PCYT1A: variants seen among roughly 807,000 people sequenced by gnomAD.
The protein encoded by PCYT1A is phosphate cytidylyltransferase 1A, choline, also known as choline-phosphate cytidylyltransferase A.
Under a neutral mutation model 43.7 loss-of-function variants are expected in PCYT1A, and 25 were observed. The observed-to-expected ratio is 0.57, with a 90% CI of 0.42 to 0.80. The LOEUF (loss-of-function observed/expected upper bound fraction) is 0.80. PCYT1A is among the 30% of genes least tolerant of loss of function. PCYT1A has a pLI of 0.00. For missense variants in PCYT1A, 421 were observed against 474.2 expected (o/e 0.89, Z 1.04); for synonymous variants, 172 against 170.7 (o/e 1.01, Z -0.06).
chr3:196,258,446 T>C (rs1490200652), intron 2 of PCYT1A, among the ~76,000 whole-genome samples: 2 of 152,246 alleles, frequency 1.3e-5, no homozygotes, highest in Non-Finnish European at 2.9e-5. Flanking sequence ...TGAAATTTTC[T>C]GTATATTGAT....
At chr3:196,270,935 T>C (rs2108777955) in intron 1 of PCYT1A, among the ~76,000 whole-genome samples, 1 of 152,322 alleles carries the variant, frequency 6.6e-6, no homozygotes. Flanking sequence ...TATAAGGCAA[T>C]GTGAAGGTAT....
At chr3:196,262,701 C>T (rs1253428438) in intron 2 of PCYT1A, among the ~76,000 whole-genome samples, 1 of 151,830 alleles carries the variant, frequency 6.6e-6, no homozygotes, top group Non-Finnish European at 1.5e-5. Flanking sequence ...GGCATCCACA[C>T]TAACAGGAAA....
chr3:196,241,465 T>C (rs1724351995), intron 7 of PCYT1A: 54 of 1,260,604 alleles, frequency 4.3e-5, no homozygotes, highest in Middle Eastern at 2.2e-4. Flanking sequence ...AGGCATGAAC[T>C]ACCATGCCCA....
At chr3:196,248,026 T>C (rs968866486) in intron 4 of PCYT1A, 181 bp downstream of exon 4, 1 of 612,276 alleles carries the variant, frequency 1.6e-6, no homozygotes, top group Non-Finnish European at 2.9e-6. Context: ...GTCGAGGAGC[T>C]TGAAGCTCCT....
intron 3 of PCYT1A, among the ~76,000 whole-genome samples, chr3:196,249,655 T>C (rs757332919): frequency 8.5e-5 from 13 of 152,226 alleles, no homozygotes; most frequent in African/African-American, 1.2e-4. Flanking sequence ...AAGGAGTCCA[T>C]GTAACTTATT....
intron 3 of PCYT1A, chr3:196,250,395 G>C (rs529081534): frequency 5.5e-4 from 104 of 188,804 alleles, no homozygotes; most frequent in African/African-American, 2.4e-3. Context: ...CTGAGGACCA[G>C]ATACACTATG....
rs537434722 is a variant in PCYT1A, at chr3:196,263,353, C to T, written c.118-5466G>A. Among the ~76,000 whole-genome samples, 3 of 152,260 alleles carry T rather than the reference C, an allele frequency of 2.0e-5. No individual in the cohort carries two copies. In the South Asian group the frequency reaches 6.2e-4, roughly 32 times the overall value. On this transcript the variant is annotated intron_variant, in intron 2 of 8. Coordinates refer to ENST00000431016, the MANE Select transcript of PCYT1A (RefSeq NM_001312673.2). ...GCCTCATCTTCCTGAGCAGCTAGGA[C>T]CACAGGGGCACATCACCATATCCAG... is the stretch of plus-strand genomic sequence containing the variant.
chr3:196,250,171 C>T (rs1381232853), intron 3 of PCYT1A, among the ~76,000 whole-genome samples: 6 of 141,054 alleles, frequency 4.3e-5, no homozygotes, highest in East Asian at 2.2e-4. Flanking sequence ...TACACCATGC[C>T]GAGGCTGAGG....
At chr3:196,246,808 A>T (rs1321636828) in intron 5 of PCYT1A, among the ~76,000 whole-genome samples, 2 of 152,044 alleles carry the variant, frequency 1.3e-5, no homozygotes, top group Non-Finnish European at 2.9e-5. Context: ...TGTGGGGGGA[A>T]GGTCTCGTAA....
At chr3:196,265,645 G>A (rs572219785) in intron 2 of PCYT1A, among the ~76,000 whole-genome samples, 4 of 152,112 alleles carry the variant, frequency 2.6e-5, no homozygotes, top group African/African-American at 4.8e-5. Context: ...GAGCTCCACC[G>A]GGTGTGGTGG....
chr3:196,241,131 TAAAAAAAAAAAAA>T (rs1209954920), intron 7 of PCYT1A, among the ~76,000 whole-genome samples: 141 of 49,692 alleles, frequency 2.8e-3, no homozygotes, highest in Middle Eastern at 0.043. Context: ...CCATCTCTGC[TAAAAAAAAAAAAA>T]AAAAAAAAAA....
chr3:196,245,589 C>T (rs1280178634), intron 5 of PCYT1A, among the ~76,000 whole-genome samples: 1 of 152,140 alleles, frequency 6.6e-6, no homozygotes, highest in African/African-American at 2.4e-5. Context: ...GATCACTATA[C>T]CATCCCCGAG....
rs1725332550 is a variant in PCYT1A at position 196,268,166 on chromosome 3, T to A, written c.117+2249A>T. Among the ~76,000 whole-genome samples, 1 of 152,062 alleles carries A rather than the reference T, an allele frequency of 6.6e-6. No homozygotes were observed. Among genetic ancestry groups the A allele is most frequent in the Non-Finnish European group, 1.5e-5 (1 of 68,000 alleles). ...TCCCAGAGTCTAAAGACCAAGAAAT[T>A]TAAGTTTTCTCAGAGCTCATTCCAC... On this transcript the variant is annotated intron_variant, in intron 2 of 8. Transcript: ENST00000431016. This position sits in a 1 kb window ranked among gnomAD's most constrained non-coding sequence, Gnocchi z 4.4.
chr3:196,243,825 T>C (rs1430517125), intron 5 of PCYT1A, among the ~76,000 whole-genome samples: 2 of 152,264 alleles, frequency 1.3e-5, no homozygotes, highest in Admixed American at 6.5e-5. Context: ...CGGAGTCTCG[T>C]TCACTCAGTG....
intron 5 of PCYT1A, among the ~76,000 whole-genome samples, chr3:196,244,220 G>A (rs1350698396): frequency 2.0e-5 from 3 of 147,242 alleles, no homozygotes; most frequent in African/African-American, 7.6e-5. Flanking sequence ...CCTCTGCCCG[G>A]CCACGACCCC....
In PCYT1A at chr3:196,242,576, T is replaced by A; in HGVS notation, c.551A>T (p.His184Leu). 6.2e-7 allele frequency: 1 copy of A among 1,609,700 alleles called. No individual in the cohort carries two copies. Residue 184 changes from histidine to leucine, a missense_variant, in exon 6 of 9, where the codon CAC (histidine) becomes CTC (leucine). Around this residue, in one of 3 missense-constraint regions of PCYT1A, gnomAD observed 174 missense variants for 270.7 expected, o/e 0.64. Transcript: ENST00000431016. The surrounding 1 kb of genome is among the most constrained non-coding windows in gnomAD (Gnocchi z 4.2). Reference protein sequence around the residue: ...SSAGSDDVYKHIKEAGMFAPT... With the variant: ...SSAGSDDVYKLIKEAGMFAPT... ...AGCTCACTCACCTGCCTCCTTGATGTGCTTATAAACATCATCACTGCCAGC... is the reference window on the plus strand; with the variant it reads ...AGCTCACTCACCTGCCTCCTTGATGAGCTTATAAACATCATCACTGCCAGC...
At chr3:196,284,632 G>A (rs1387985632) in intron 1 of PCYT1A, among the ~76,000 whole-genome samples, 1 of 152,174 alleles carries the variant, frequency 6.6e-6, no homozygotes, top group Non-Finnish European at 1.5e-5. Context: ...TATCCAAAAA[G>A]CAGGTCCCCA....
chr3:196,242,231 C>A lies in PCYT1A; in HGVS notation c.566-141G>T. 1 of 846,492 alleles carries A rather than the reference C, an allele frequency of 1.2e-6. No homozygotes were observed. The highest frequency in any genetic ancestry group is 2.5e-5 in the East Asian group (1 of 39,744). The allele number at this position is 846,492 out of a possible 1,614,324, so 52.4% of individuals were successfully genotyped here. ...TATTACTAAATGAAACTGAAAGATACTGATATACAGAAGGTAGACCGAATC... is the reference window on the plus strand; with the variant it reads ...TATTACTAAATGAAACTGAAAGATAATGATATACAGAAGGTAGACCGAATC... On this transcript the variant is annotated intron_variant, in intron 6 of 8. Coordinates refer to ENST00000431016, the MANE Select transcript of PCYT1A (RefSeq NM_001312673.2). The surrounding 1 kb of genome is among the most constrained non-coding windows in gnomAD (Gnocchi z 4.2).
At chr3:196,245,095 C>CATAAATTAAATAA (rs1724518777) in intron 5 of PCYT1A, among the ~76,000 whole-genome samples, 1 of 147,824 alleles carries the variant, frequency 6.8e-6, no homozygotes, top group Non-Finnish European at 1.5e-5. Context: ...AATAAAAATA[C>CATAAATTAAATAA]ATAAATAAAT....
Sources: allele counts gnomAD v4.1 joint callset (sites outside exome capture counted in the v4.1 genomes callset), GRCh38; gene constraint gnomAD v4.1.1; regional missense constraint gnomAD v4.1.1; non-coding constraint Gnocchi (gnomAD v3.1); transcripts MANE v1.5; gene names NCBI Gene and HGNC (gene_info 2026-07-23, HGNC 2026-07-21).